The following PAM variants were observed in gnomAD, a reference collection of about 807,000 sequenced individuals.
PAM encodes the protein peptidyl-glycine alpha-amidating monooxygenase.
Under a neutral mutation model 122.1 loss-of-function variants are expected in PAM, and 72 were observed. The observed-to-expected ratio is 0.59, with a 90% CI of 0.49 to 0.72. The LOEUF (loss-of-function observed/expected upper bound fraction) is 0.72, where lower values mean the gene tolerates loss of function less well. Ranked by LOEUF, PAM falls within the 30% of genes least tolerant of loss-of-function variation. PAM has a pLI of 0.00. For synonymous variants in PAM, 389 were observed against 404.4 expected, an observed-to-expected ratio of 0.96 and a Z score of 0.46; for missense variants, 1,106 against 1,183.7, an observed-to-expected ratio of 0.93 and a Z score of 0.96.
chr5:102,791,506 T>A (rs1037081037), intron 1 of PAM, among the ~76,000 whole-genome samples: 2 of 152,098 alleles, frequency 1.3e-5, no homozygotes, highest in Non-Finnish European at 2.9e-5. Context: ...TGTTGATGTT[T>A]TCCTCTTTTC....
At chr5:102,854,559 G>A (rs898688686) in intron 1 of PAM, among the ~76,000 whole-genome samples, 1 of 152,070 alleles carries the variant, frequency 6.6e-6, no homozygotes, top group Non-Finnish European at 1.5e-5. Flanking sequence ...AGTCCACCTC[G>A]GATGTGTCTT....
intron 24 of PAM, among the ~76,000 whole-genome samples, chr5:103,027,102 A>T (rs1252105345): frequency 6.6e-6 from 1 of 152,038 alleles, no homozygotes; most frequent in Non-Finnish European, 1.5e-5. Flanking sequence ...TTTTTTTCTG[A>T]ATTTGTTCTT....
intron 1 of PAM, among the ~76,000 whole-genome samples, chr5:102,789,329 T>G (rs406761): frequency 0.3 from 46,156 of 151,998 alleles, 7,461 homozygotes; most frequent in Non-Finnish European, 0.37. Flanking sequence ...GAATAGACAT[T>G]TGTATGCCAG....
intron 15 of PAM, among the ~76,000 whole-genome samples, chr5:102,981,881 T>C (rs1770005275): frequency 6.6e-6 from 1 of 152,228 alleles, no homozygotes; most frequent in Non-Finnish European, 1.5e-5. Context: ...ATCCATCTGT[T>C]GATTTATCTA....
chr5:102,942,114 A>G (rs917456472), intron 7 of PAM, among the ~76,000 whole-genome samples: 6 of 151,688 alleles, frequency 4.0e-5, no homozygotes, highest in East Asian at 3.9e-4. Context: ...GCTGACAGCA[A>G]TCTGTTCCAA....
Position 102,867,380 on chromosome 5 carries a change from T to C in PAM, c.197T>C (p.Val66Ala). The change falls in exon 3 of 26, where the codon GTT becomes GCT. Residue 66 changes from valine (V) to alanine (A), a missense_variant. This residue lies in a region of PAM where 670 missense variants were observed against 690.3 expected (regional missense o/e 0.97). Coordinates refer to ENST00000438793, the MANE Select transcript of PAM (RefSeq NM_001177306.2). The part of the protein sequence containing the change: ...DFALDIRMPG[V>A]TPKQSDTYFC... The stretch of plus-strand genomic sequence containing the variant: ...GCATTGGATATTCGCATGCCTGGGG[T>C]TACACCTAAACAGGTGAGAGGAATT... 1.2e-6 allele frequency: 2 copies of C among 1,609,710 alleles called. No individual in the cohort carries two copies. The highest frequency in any genetic ancestry group is 2.2e-5 in the South Asian group (2 of 90,874).
intron 3 of PAM, among the ~76,000 whole-genome samples, chr5:102,897,341 T>C (rs1329227727): frequency 6.6e-6 from 1 of 151,610 alleles, no homozygotes; most frequent in Non-Finnish European, 1.5e-5. Context: ...AGGTACAAAG[T>C]CACAACTGCC....
At chr5:102,947,516 A>G (rs1757435164) in intron 8 of PAM, among the ~76,000 whole-genome samples, 1 of 152,130 alleles carries the variant, frequency 6.6e-6, no homozygotes, top group East Asian at 1.9e-4. Flanking sequence ...GACTTTGAGG[A>G]CTTCCCAGGG....
At chr5:102,923,532 C>T (rs1748205199) in intron 5 of PAM, among the ~76,000 whole-genome samples, 1 of 152,140 alleles carries the variant, frequency 6.6e-6, no homozygotes, top group Non-Finnish European at 1.5e-5. Context: ...AACACAAATA[C>T]ACAAATCAAC....
At chr5:102,788,960 C>G (rs1310116534) in intron 1 of PAM, among the ~76,000 whole-genome samples, 2 of 152,034 alleles carry the variant, frequency 1.3e-5, no homozygotes, top group African/African-American at 4.8e-5. Context: ...TTGGTTGACA[C>G]TAACGGTCAG....
intron 4 of PAM, among the ~76,000 whole-genome samples, chr5:102,909,594 C>T (rs996948644): frequency 6.6e-6 from 1 of 151,640 alleles, no homozygotes; most frequent in African/African-American, 2.4e-5. Flanking sequence ...TGGGAATAAC[C>T]GCTGGAGATT....
intron 14 of PAM, among the ~76,000 whole-genome samples, chr5:102,966,876 A>T (rs1764232614): frequency 6.6e-6 from 1 of 152,120 alleles, no homozygotes; most frequent in South Asian, 2.1e-4. Context: ...AAGAACTAGT[A>T]ATGTGTGTGG....
chr5:102,827,622 G>A (rs1774050925), intron 1 of PAM, among the ~76,000 whole-genome samples: 1 of 151,144 alleles, frequency 6.6e-6, no homozygotes, highest in African/African-American at 2.4e-5. Context: ...GATTCCAGTG[G>A]AATGTAAAAT....
chr5:103,022,231 A>AT (rs200920330), intron 23 of PAM, among the ~76,000 whole-genome samples: 1 of 138,358 alleles, frequency 7.2e-6, no homozygotes, highest in Non-Finnish European at 1.6e-5. Flanking sequence ...AAGGAAACAC[A>AT]TTAAAAAAAA....
chr5:102,777,348 C>G (rs538059274), intron 1 of PAM, among the ~76,000 whole-genome samples: 3 of 152,108 alleles, frequency 2.0e-5, no homozygotes, highest in Admixed American at 2.0e-4. Flanking sequence ...TCCTTTTTCC[C>G]CATAAACCTT....
At chr5:103,021,151 T>C (rs778628592) in intron 23 of PAM, among the ~76,000 whole-genome samples, 39 of 152,198 alleles carry the variant, frequency 2.6e-4, no homozygotes, top group Non-Finnish European at 1.5e-4. Flanking sequence ...ATTTTACATA[T>C]GAGGAAATTG....
chr5:102,903,695 G>C (rs536571870), intron 4 of PAM, among the ~76,000 whole-genome samples: 52 of 151,630 alleles, frequency 3.4e-4, no homozygotes, highest in Admixed American at 2.7e-3. Context: ...GAAACAGAAA[G>C]TCAGAGAGGT....
chr5:102,847,253 A>C (rs1780169212), intron 1 of PAM, among the ~76,000 whole-genome samples: 1 of 152,202 alleles, frequency 6.6e-6, no homozygotes, highest in Non-Finnish European at 1.5e-5. Context: ...AGCCTGGCCA[A>C]CATGGTGAAA....
At chr5:103,019,865 A>C (rs1399229940) in intron 23 of PAM, 22 bp downstream of exon 23, 1 of 1,481,804 alleles carries the variant, frequency 6.7e-7, no homozygotes, top group Admixed American at 1.7e-5. Flanking sequence ...TCCTCTTATT[A>C]CTATAAAACC....
Sources: gnomAD v4.1 joint callset for allele counts (sites outside exome capture counted in the v4.1 genomes callset) on GRCh38, gnomAD v4.1.1 for gene constraint, gnomAD v4.1.1 regional missense constraint, MANE v1.5 for transcripts, NCBI Gene and HGNC (gene_info 2026-07-23, HGNC 2026-07-21) for gene names.